Variants in CFAP47 observed in about 807,000 individuals in gnomAD.
The protein encoded by CFAP47 is cilia- and flagella-associated protein 47.
In CFAP47, 29 loss-of-function variants were observed where a neutral mutation model predicts 148.1. That is an observed-to-expected ratio of 0.20 (90% CI 0.15 to 0.27). The LOEUF (loss-of-function observed/expected upper bound fraction) is 0.27. Among genes scored for constraint, CFAP47 ranks in the 10% least tolerant of loss-of-function variants. CFAP47 has a pLI of 1.00. For missense variants in CFAP47, 1,872 were observed against 1,697.5 expected, an observed-to-expected ratio of 1.10 and a Z score of -1.81; for synonymous variants, 664 against 577.3, an observed-to-expected ratio of 1.15 and a Z score of -2.15.
At position 36,319,237 on chromosome X, in the gene CFAP47, G is replaced by T. The variant is rs1318804988; in HGVS notation, c.8373G>T (p.Met2791Ile). ...TGGAACATCCCAGGAATCTTGTCAT[G>T]GATCATTGCTGGGATAGCTTCATCT... The part of the protein sequence containing the change: ...TSVEHPRNLV[M>I]DHCWDSFIYE... Residue 2791 changes from methionine (M) to isoleucine (I), a missense_variant, in exon 57 of 64, where the codon ATG becomes ATT. Physicochemically the swap from Met to Ile is conservative, Grantham distance 10. Coordinates refer to ENST00000378653, the MANE Select transcript of CFAP47 (RefSeq NM_001304548.2). The T allele has an allele frequency of 3.3e-5, 37 of 1,121,016 alleles. No homozygotes were observed. Among genetic ancestry groups the T allele is most frequent in the Non-Finnish European group, 4.4e-5 (37 of 842,938 alleles). 92.4% of individuals were successfully genotyped at this position (1,121,016 alleles called of 1,213,427 possible).
At chrX:36,245,105 AATC>A (rs1940598804) in intron 48 of CFAP47, among the ~76,000 whole-genome samples, 1 of 112,147 alleles carries the variant, frequency 8.9e-6, no homozygotes, top group African/African-American at 3.2e-5. Flanking sequence ...TGAAAGCAAA[AATC>A]ATTTGGTCAT....
chrX:36,190,097 T>C lies in CFAP47; in HGVS notation c.6222T>C (p.Thr2074=), dbSNP rs1939849890. The change falls in exon 42 of 64, where the codon ACT becomes ACC. Residue 2074 remains threonine, a synonymous_variant. Transcript: ENST00000378653. ...FIREFFCSMH[T]VHLGVKGTSS... ...GAGAGTTCTTCTGCTCCATGCATAC[T>C]GTTCACCTGGGAGTGAAAGGAACTT... 3.4e-6 allele frequency: 1 copy of C among 296,864 alleles called. No individual in the cohort carries two copies. Among genetic ancestry groups the C allele is most frequent in the Non-Finnish European group, 5.9e-6 (1 of 170,130 alleles). 24.5% of individuals were successfully genotyped at this position (296,864 alleles called of 1,213,427 possible).
At chrX:36,129,987 GT>G (rs1938916235) in intron 33 of CFAP47, among the ~76,000 whole-genome samples, 1 of 111,422 alleles carries the variant, frequency 9.0e-6, no homozygotes, top group Non-Finnish European at 1.9e-5. Context: ...ATTAAAAGAT[GT>G]TCAGCATAAT....
rs191524905 is a variant in CFAP47, at chrX:36,031,619, G to T, written c.3651+272G>T. Among the ~76,000 whole-genome samples the T allele has an allele frequency of 7.5e-3, 814 of 109,152 alleles. 6 individuals are homozygous for T. The highest frequency in any genetic ancestry group is 0.024 in the Middle Eastern group (5 of 206). 94.8% of individuals were successfully genotyped at this position (109,152 alleles called of 115,157 possible). A position where few individuals can be genotyped will look rare whatever the true frequency, so the allele number is the denominator to read the frequency against. On this transcript the variant is annotated intron_variant, in intron 23 of 63. Coordinates refer to ENST00000378653, the MANE Select transcript of CFAP47 (RefSeq NM_001304548.2). ...ATAATTAATAAGAATATTAAAATAA[G>T]TTTAATATAATTAAATTATTCCATT...
At chrX:36,190,298 G>T (rs1939852542) in intron 42 of CFAP47, 102 bp downstream of exon 42, 1 of 289,445 alleles carries the variant, frequency 3.5e-6, no homozygotes, top group East Asian at 4.9e-5. Flanking sequence ...TAGAAATGTG[G>T]ATGATTTCAG....
At position 36,236,794 on chromosome X, in the gene CFAP47, G is replaced by C. The variant is rs1940473357; in HGVS notation, c.7267G>C (p.Val2423Leu). The C allele has an allele frequency of 5.8e-6, 3 of 515,461 alleles. No individual in the cohort carries two copies. The highest frequency in any genetic ancestry group is 1.1e-5 in the Non-Finnish European group (3 of 283,293). The allele number at this position is 515,461 out of a possible 1,213,427, so 42.5% of individuals were successfully genotyped here. ...GGAACACATCACTGTGGAATGTCAA[G>C]TGGGGAATGTGACACAAAAGCATAT... is the stretch of plus-strand genomic sequence containing the variant. ...ALEHITVECQ[V>L]GNVTQKHITL... is the part of the protein sequence containing the mutation. Residue 2423 changes from valine (V) to leucine (L), a missense_variant, in exon 48 of 64, where the codon GTG becomes CTG. Coordinates refer to ENST00000378653, the MANE Select transcript of CFAP47 (RefSeq NM_001304548.2).
chrX:36,138,599 T>C (rs1939087119), intron 35 of CFAP47, 135 bp downstream of exon 35: 5 of 685,316 alleles, frequency 7.3e-6, no homozygotes, highest in Non-Finnish European at 9.9e-6. Context: ...ATTGCTAAAA[T>C]GTAGAAATTG....
At chrX:36,231,934 G>A (rs1257762677) in intron 46 of CFAP47, among the ~76,000 whole-genome samples, 1 of 111,306 alleles carries the variant, frequency 9.0e-6, no homozygotes, top group Non-Finnish European at 1.9e-5. Context: ...TGCGTATATT[G>A]AACCAGCCTT....
chrX:36,014,327 G>A (rs1295347556), intron 21 of CFAP47, among the ~76,000 whole-genome samples: 1 of 111,231 alleles, frequency 9.0e-6, no homozygotes, highest in African/African-American at 3.3e-5. Flanking sequence ...TGTGAGAAAT[G>A]GGTTTTTGAC....
At chrX:36,336,244 GACACACACACACACAC>G (rs781925226) in intron 57 of CFAP47, among the ~76,000 whole-genome samples, 279 of 65,711 alleles carry the variant, frequency 4.2e-3, no homozygotes, top group East Asian at 0.041. Flanking sequence ...CAGACACACA[GACACACACACACACAC>G]ACACACACAC....
intron 24 of CFAP47, among the ~76,000 whole-genome samples, chrX:36,038,741 C>A (rs1376051467): frequency 1.8e-5 from 2 of 112,273 alleles, no homozygotes; most frequent in Non-Finnish European, 3.8e-5. Context: ...TTATGAAAAT[C>A]TACATTAAAG....
rs782730612 is a variant in CFAP47, at chrX:36,384,999, A to G, written c.9557A>G (p.Asn3186Ser). 2.0e-5 allele frequency: 23 copies of G among 1,146,446 alleles called. No homozygotes were observed. In the South Asian group the frequency reaches 3.3e-4, roughly 16 times the overall value. The allele number at this position is 1,146,446 out of a possible 1,213,427, so 94.5% of individuals were successfully genotyped here. Residue 3186 changes from asparagine to serine, a missense_variant, in exon 64 of 64, where the codon AAT becomes AGT. Coordinates refer to ENST00000378653, the MANE Select transcript of CFAP47 (RefSeq NM_001304548.2). The part of the protein sequence containing the change: ...STIKGAPLVK[N>S]Q ...ATCAAGGGTGCTCCTTTGGTGAAGA[A>G]TCAATAAAATTTTTTTCCAAAATAT... is the stretch of plus-strand genomic sequence containing the variant.
At chrX:36,235,317 C>T (rs1940441817) in intron 46 of CFAP47, among the ~76,000 whole-genome samples, 3 of 112,432 alleles carry the variant, frequency 2.7e-5, no homozygotes, top group Non-Finnish European at 5.6e-5. Flanking sequence ...CAAGCCTGGG[C>T]AATGGCAGGC....
intron 51 of CFAP47, among the ~76,000 whole-genome samples, chrX:36,293,425 G>T (rs1556005890): frequency 8.9e-6 from 1 of 112,395 alleles, no homozygotes; most frequent in Non-Finnish European, 1.9e-5. Flanking sequence ...TGGTTGGTGG[G>T]TGGCATACTC....
chrX:36,272,374 A>G (rs1258952010), intron 49 of CFAP47, among the ~76,000 whole-genome samples: 3 of 111,684 alleles, frequency 2.7e-5, no homozygotes, highest in African/African-American at 6.5e-5. Context: ...AGGCCAAAGA[A>G]CAATAACATT....
intron 11 of CFAP47, 141 bp from the exon 12 acceptor site, chrX:35,971,445 G>A (rs1014315311): frequency 7.6e-6 from 3 of 392,811 alleles, no homozygotes; most frequent in Admixed American, 5.0e-5. Context: ...ACAATTTTAT[G>A]TGGATTAGTG....
At chrX:36,140,410 G>A (rs928525967) in intron 35 of CFAP47, among the ~76,000 whole-genome samples, 2 of 111,215 alleles carry the variant, frequency 1.8e-5, no homozygotes, top group African/African-American at 6.5e-5. Context: ...CCTCACATAT[G>A]TTGGCTCAAT....
At chrX:36,350,681 A>AT (rs1941736647) in intron 59 of CFAP47, among the ~76,000 whole-genome samples, 1 of 101,627 alleles carries the variant, frequency 9.8e-6, no homozygotes, top group South Asian at 4.5e-4. Context: ...CTTTATTATT[A>AT]TTATTTATTT....
At chrX:36,016,859 C>A (rs1382197509) in intron 22 of CFAP47, among the ~76,000 whole-genome samples, 1 of 109,660 alleles carries the variant, frequency 9.1e-6, no homozygotes, top group Non-Finnish European at 1.9e-5. Context: ...TGGACAAAAG[C>A]CATTTTAACT....
Sources: allele counts gnomAD v4.1 joint callset (sites outside exome capture counted in the v4.1 genomes callset), GRCh38; gene constraint gnomAD v4.1.1; transcripts MANE v1.5; gene names NCBI Gene and HGNC (gene_info 2026-07-23, HGNC 2026-07-21).